Variants in ZMAT4 observed in about 807,000 individuals in gnomAD.
ZMAT4 encodes the protein zinc finger matrin-type protein 4.
Under a neutral mutation model 28.7 loss-of-function variants are expected in ZMAT4, and 17 were observed. That is an observed-to-expected ratio of 0.59 (90% CI 0.41 to 0.89). ZMAT4 has a LOEUF of 0.89. ZMAT4 is among the 40% of genes least tolerant of loss of function. The probability of loss-of-function intolerance (pLI) is 0.00; values close to 1 mark genes in which losing one functional copy is unlikely to be tolerated. For synonymous variants in ZMAT4, 117 were observed against 109.2 expected, an observed-to-expected ratio of 1.07 and a Z score of -0.44; for missense variants, 240 against 283.8, an observed-to-expected ratio of 0.85 and a Z score of 1.11.
chr8:40,752,542 C>A (rs1392980307), intron 3 of ZMAT4, among the ~76,000 whole-genome samples: 2 of 152,174 alleles, frequency 1.3e-5, no homozygotes, highest in South Asian at 4.1e-4. Flanking sequence ...CTCAGGTCCT[C>A]CCACTCTCTG....
At chr8:40,863,062 A>G (rs182436312) in intron 1 of ZMAT4, among the ~76,000 whole-genome samples, 64 of 152,298 alleles carry the variant, frequency 4.2e-4, no homozygotes, top group Admixed American at 3.8e-3. Flanking sequence ...AGAAAAATCC[A>G]TTCTGGTGAA....
chr8:40,626,851 C>G (rs1441219934), intron 5 of ZMAT4, among the ~76,000 whole-genome samples: 1 of 152,106 alleles, frequency 6.6e-6, no homozygotes, highest in Non-Finnish European at 1.5e-5. Flanking sequence ...CACAGAGAAG[C>G]TACAGTTTAC....
intron 3 of ZMAT4, among the ~76,000 whole-genome samples, chr8:40,737,788 T>C (rs929303988): frequency 2.9e-4 from 44 of 152,056 alleles, no homozygotes; most frequent in African/African-American, 1.0e-3. Flanking sequence ...AGGCAAGTTA[T>C]TTAATCTGTC....
At chr8:40,783,942 C>T (rs751709498) in intron 2 of ZMAT4, among the ~76,000 whole-genome samples, 11 of 152,188 alleles carry the variant, frequency 7.2e-5, no homozygotes, top group African/African-American at 2.2e-4. Context: ...ACCCGTAAGG[C>T]GGAGGTTGCA....
chr8:40,691,801 C>T (rs184751874), intron 4 of ZMAT4, among the ~76,000 whole-genome samples: 43 of 152,234 alleles, frequency 2.8e-4, no homozygotes, highest in African/African-American at 8.7e-4. Flanking sequence ...AAATTGAGGG[C>T]TGAACAGTTA....
chr8:40,706,119 C>A (rs955976769), intron 3 of ZMAT4, among the ~76,000 whole-genome samples: 28 of 152,150 alleles, frequency 1.8e-4, no homozygotes, highest in Non-Finnish European at 1.3e-4. Context: ...GTGATGCGAT[C>A]TCAGCTCACT....
At chr8:40,683,311 T>C (rs915013238) in intron 4 of ZMAT4, among the ~76,000 whole-genome samples, 1 of 152,196 alleles carries the variant, frequency 6.6e-6, no homozygotes, top group African/African-American at 2.4e-5. Flanking sequence ...AGTATACTCA[T>C]GGTATTAAAT....
At chr8:40,721,735 A>G (rs1295521333) in intron 3 of ZMAT4, among the ~76,000 whole-genome samples, 2 of 151,756 alleles carry the variant, frequency 1.3e-5, no homozygotes, top group East Asian at 1.9e-4. Flanking sequence ...GCCAGTGATG[A>G]TGAGCATTTT....
chr8:40,634,314 A>T (rs1009995026), intron 5 of ZMAT4, among the ~76,000 whole-genome samples: 1 of 152,200 alleles, frequency 6.6e-6, no homozygotes, highest in African/African-American at 2.4e-5. Context: ...TTCCTGAAAA[A>T]GACCTTGTAA....
chr8:40,847,204 A>AAAAC, intron 1 of ZMAT4, among the ~76,000 whole-genome samples: 2 of 109,454 alleles, frequency 1.8e-5, no homozygotes, highest in Non-Finnish European at 3.9e-5. Flanking sequence ...ATTCCATCTA[A>AAAAC]AAAAACAAAC....
At chr8:40,768,530 G>A (rs530324363) in intron 2 of ZMAT4, among the ~76,000 whole-genome samples, 12 of 152,224 alleles carry the variant, frequency 7.9e-5, no homozygotes, top group African/African-American at 1.9e-4. Context: ...GCAGGATGGC[G>A]GAGTGAAAAG....
chr8:40,537,166 G>A (rs919290280), intron 6 of ZMAT4, among the ~76,000 whole-genome samples: 5 of 152,168 alleles, frequency 3.3e-5, no homozygotes, highest in African/African-American at 9.6e-5. Context: ...TCATTAAGAT[G>A]TTGGGAATCA....
At chr8:40,831,197 G>A (rs530200889) in intron 1 of ZMAT4, among the ~76,000 whole-genome samples, 1 of 152,270 alleles carries the variant, frequency 6.6e-6, no homozygotes, top group East Asian at 1.9e-4. Context: ...CGTTTCCACT[G>A]AAATGCAGCT....
intron 6 of ZMAT4, among the ~76,000 whole-genome samples, chr8:40,535,217 T>C (rs755897687): frequency 9.2e-5 from 14 of 152,068 alleles, no homozygotes; most frequent in Non-Finnish European, 1.2e-4. Context: ...ACAAGCCAGA[T>C]GAGAATCACA....
intron 2 of ZMAT4, among the ~76,000 whole-genome samples, chr8:40,810,105 C>T (rs1056284593): frequency 1.3e-5 from 2 of 151,998 alleles, no homozygotes; most frequent in African/African-American, 4.8e-5. Flanking sequence ...CATGCACACA[C>T]ATACATATAT....
chr8:40,548,792 T>G (rs1382789769), intron 6 of ZMAT4, among the ~76,000 whole-genome samples: 1 of 152,156 alleles, frequency 6.6e-6, no homozygotes, highest in Non-Finnish European at 1.5e-5. Flanking sequence ...GAATTCTTTG[T>G]CCATTTGGTG....
intron 3 of ZMAT4, among the ~76,000 whole-genome samples, chr8:40,732,173 T>C (rs1811569096): frequency 6.6e-6 from 1 of 152,094 alleles, no homozygotes; most frequent in Non-Finnish European, 1.5e-5. Flanking sequence ...GTGAATGTAT[T>C]TAATACCAAT....
intron 4 of ZMAT4, among the ~76,000 whole-genome samples, chr8:40,683,920 A>T (rs1585873683): frequency 6.6e-6 from 1 of 151,998 alleles, no homozygotes; most frequent in South Asian, 2.1e-4. Flanking sequence ...CAAAAATTAG[A>T]TGGGCATGGT....
At chr8:40,814,793 T>C (rs1332013890) in intron 2 of ZMAT4, among the ~76,000 whole-genome samples, 1 of 152,222 alleles carries the variant, frequency 6.6e-6, no homozygotes, top group Non-Finnish European at 1.5e-5. Context: ...TCACATACTA[T>C]ACTTTTCATA....
Sources: gnomAD v4.1 joint callset for allele counts (sites outside exome capture counted in the v4.1 genomes callset) on GRCh38, gnomAD v4.1.1 for gene constraint, MANE v1.5 for transcripts, NCBI Gene and HGNC (gene_info 2026-07-23, HGNC 2026-07-21) for gene names.